Variants in HEPACAM2 observed in about 807,000 individuals in gnomAD.
The protein encoded by HEPACAM2 is HEPACAM family member 2.
HEPACAM2 carries 49 observed loss-of-function variants against 49.6 expected under a neutral mutation model. That is an observed-to-expected ratio of 0.99 (90% CI 0.78 to 1.25). The LOEUF (loss-of-function observed/expected upper bound fraction) is 1.25. Ranked by LOEUF, HEPACAM2 falls within the 50% of genes most tolerant of loss-of-function variation. The pLI is 0.00. For missense variants in HEPACAM2, 525 were observed against 557.2 expected (o/e 0.94, Z 0.58); for synonymous variants, 197 against 202.9 (o/e 0.97, Z 0.25).
intron 1 of HEPACAM2, among the ~76,000 whole-genome samples, chr7:93,220,595 A>G (rs1225335146): frequency 2.0e-5 from 3 of 152,228 alleles, no homozygotes; most frequent in Non-Finnish European, 4.4e-5. Flanking sequence ...TCTAAGAGGC[A>G]ATGTTGTGAA....
At chr7:93,218,846 AAAC>A (rs1794377120) in intron 2 of HEPACAM2, among the ~76,000 whole-genome samples, 1 of 152,178 alleles carries the variant, frequency 6.6e-6, no homozygotes. Flanking sequence ...CCAGGCAAAC[AAAC>A]AATAAGTTAT....
chr7:93,218,635 C>G (rs555082631), intron 2 of HEPACAM2, among the ~76,000 whole-genome samples: 3 of 152,108 alleles, frequency 2.0e-5, no homozygotes, highest in African/African-American at 7.2e-5. Flanking sequence ...TAGCTGACCC[C>G]ACTCCTCCTC....
intron 8 of HEPACAM2, among the ~76,000 whole-genome samples, chr7:93,194,521 T>G (rs1793635044): frequency 6.6e-6 from 1 of 152,106 alleles, no homozygotes; most frequent in South Asian, 2.1e-4. Context: ...TTGCAAAGCC[T>G]TTGCACAGTA....
chr7:93,197,580 G>T lies in HEPACAM2; in HGVS notation c.1043C>A (p.Ser348Ter). The T allele has an allele frequency of 6.3e-7, 1 of 1,597,338 alleles. No homozygotes were observed. Among genetic ancestry groups the T allele is most frequent in the Non-Finnish European group, 8.5e-7 (1 of 1,170,978 alleles). ...AGTTATACTTGCTAAAGGTGACAAT[G>T]ATTTTCCTTTCTGTGCAAGCTTCTC... ...GLEKLAQKGK[S>*]LSPLASITGI... The change falls in exon 5 of 10, where the codon TCA (serine) becomes TAA (stop). Residue 348 changes from serine (S) to a stop codon, truncating the protein, a stop_gained. Coordinates refer to ENST00000394468, the MANE Select transcript of HEPACAM2 (RefSeq NM_001039372.4). LOFTEE classifies it high-confidence loss of function.
intron 2 of HEPACAM2, among the ~76,000 whole-genome samples, 195 bp from the exon 3 acceptor site, chr7:93,215,880 G>A (rs1374091470): frequency 1.3e-5 from 2 of 152,104 alleles, no homozygotes; most frequent in African/African-American, 2.4e-5. Context: ...CAAAATATGA[G>A]AATATCATTT....
At chr7:93,199,367 G>C (rs1793820648) in intron 4 of HEPACAM2, among the ~76,000 whole-genome samples, 1 of 152,048 alleles carries the variant, frequency 6.6e-6, no homozygotes, top group African/African-American at 2.4e-5. Flanking sequence ...CTCATAAAAA[G>C]TTGTAGAATA....
chr7:93,192,202 A>G, intron 9 of HEPACAM2, 52 bp downstream of exon 9: 1 of 1,343,486 alleles, frequency 7.4e-7, no homozygotes. Flanking sequence ...GGAAAGCAAA[A>G]GCTAAATGCT....
chr7:93,206,431 T>C (rs1253637801), intron 4 of HEPACAM2, among the ~76,000 whole-genome samples: 2 of 152,198 alleles, frequency 1.3e-5, no homozygotes, highest in East Asian at 1.9e-4. Flanking sequence ...ATTTGGCCCA[T>C]AGTGAGTGCT....
rs774374616 is a variant in HEPACAM2 at position 93,215,595 on chromosome 7, C to G, written c.521G>C (p.Gly174Ala). The change falls in exon 3 of 10, where the codon GGG (glycine) becomes GCG (alanine). Residue 174 changes from glycine (G) to alanine (A), a missense_variant. Physicochemically the swap from Gly to Ala is moderately conservative, Grantham distance 60. Transcript: ENST00000394468. ...GNMTLTCHVE[G>A]GTRLAYQWLK... ...CCATTGGTAAGCTAGCCGAGTGCCC[C>G]CTTCCACATGGCATGTCAGGGTCAT... 1 of 1,613,752 alleles carries G rather than the reference C, an allele frequency of 6.2e-7. No homozygotes were observed. Among genetic ancestry groups the G allele is most frequent in the South Asian group, 1.1e-5 (1 of 91,090 alleles).
rs185784045 is a variant in HEPACAM2, at chr7:93,194,310, A to T, written c.1275+1518T>A. 4.1e-3 allele frequency among the ~76,000 whole-genome samples: 631 copies of T among 152,254 alleles called. 5 individuals carry two copies. Among genetic ancestry groups the T allele is most frequent in the Non-Finnish European group, 6.1e-3 (415 of 68,010 alleles). ...TGTTTGCATTATTTTAAATAAAAAAACTGAAACTCCTTATTCAAAAATTCA... is the reference window on the plus strand; with the variant it reads ...TGTTTGCATTATTTTAAATAAAAAATCTGAAACTCCTTATTCAAAAATTCA... On this transcript the variant is annotated intron_variant, in intron 8 of 9. Transcript: ENST00000394468.
chr7:93,194,104 G>A (rs1003557466), intron 8 of HEPACAM2, among the ~76,000 whole-genome samples: 53 of 152,152 alleles, frequency 3.5e-4, no homozygotes, highest in African/African-American at 9.9e-4. Flanking sequence ...AAATAAGCAG[G>A]GCTTCTACTA....
rs1316600567 is a variant in HEPACAM2 at position 93,226,418 on chromosome 7, A to G, written c.29T>C (p.Phe10Ser). The change falls in exon 1 of 10, where the codon TTC becomes TCC. Residue 10 changes from phenylalanine (F) to serine (S), a missense_variant. Transcript: ENST00000394468. The stretch of plus-strand genomic sequence containing the variant: ...CTGAAAGACCCCAAGTGTGTCACCG[A>G]AGGGCTCCATGAAAGCATCCTGTCC... The part of the protein sequence containing the change: MGQDAFMEP[F>S]GDTLGVFQCK... 6.2e-7 allele frequency: 1 copy of G among 1,613,614 alleles called. No homozygotes were observed. Among genetic ancestry groups the G allele is most frequent in the Non-Finnish European group, 8.5e-7 (1 of 1,179,670 alleles).
intron 2 of HEPACAM2, 76 bp downstream of exon 2, chr7:93,219,025 G>GA (rs1276133765): frequency 1.6e-6 from 2 of 1,273,250 alleles, no homozygotes; most frequent in Non-Finnish European, 2.2e-6. Flanking sequence ...ATCTAAAGCC[G>GA]AAGTAGTTTA....
chr7:93,189,985 A>G (rs1007115936), intron 9 of HEPACAM2, among the ~76,000 whole-genome samples: 2 of 152,010 alleles, frequency 1.3e-5, no homozygotes, highest in Non-Finnish European at 2.9e-5. Context: ...TATAGGTGGC[A>G]TTTATTCTAC....
intron 3 of HEPACAM2, among the ~76,000 whole-genome samples, chr7:93,213,554 A>G (rs1451941706): frequency 6.6e-6 from 1 of 152,114 alleles, no homozygotes; most frequent in African/African-American, 2.4e-5. Context: ...ATCGTCAAGT[A>G]ACACTGGAAT....
chr7:93,228,397 G>C (rs999242254), upstream of HEPACAM2, among the ~76,000 whole-genome samples: 1 of 152,052 alleles, frequency 6.6e-6, no homozygotes, highest in Non-Finnish European at 1.5e-5. Flanking sequence ...CTAGGGAAAG[G>C]GCTACTGGGA....
chr7:93,220,944 C>T (rs10488533), intron 1 of HEPACAM2, among the ~76,000 whole-genome samples: 21,821 of 151,792 alleles, frequency 0.14, 2,794 homozygotes, highest in East Asian at 0.31. Context: ...GAACATTTGA[C>T]GTAATAGAGG....
chr7:93,214,748 T>C (rs1405042459), intron 3 of HEPACAM2, among the ~76,000 whole-genome samples: 1 of 152,176 alleles, frequency 6.6e-6, no homozygotes, highest in Non-Finnish European at 1.5e-5. Flanking sequence ...GATTGGTGCA[T>C]AGACTTGCAC....
At chr7:93,220,412 C>A (rs573560892) in intron 1 of HEPACAM2, among the ~76,000 whole-genome samples, 41 of 152,238 alleles carry the variant, frequency 2.7e-4, no homozygotes, top group African/African-American at 9.9e-4. Flanking sequence ...TTTGGTGACA[C>A]TTTGAGGGTG....
Sources: allele counts gnomAD v4.1 joint callset (sites outside exome capture counted in the v4.1 genomes callset), GRCh38; gene constraint gnomAD v4.1.1; transcripts MANE v1.5; gene names NCBI Gene and HGNC (gene_info 2026-07-23, HGNC 2026-07-21).